LY96: variants seen among roughly 807,000 people sequenced by gnomAD.
LY96 encodes myeloid differentiation protein-2.
A neutral mutation model predicts 18.9 loss-of-function variants in LY96; 18 were observed. The ratio of observed to expected loss-of-function variants is 0.95; its 90% CI spans 0.66 to 1.41. The LOEUF (loss-of-function observed/expected upper bound fraction) is 1.41, where lower values mean the gene tolerates loss of function less well. LY96 is among the 40% of genes most tolerant of loss of function. The pLI is 0.00. For missense variants in LY96, 175 were observed against 182.4 expected, an observed-to-expected ratio of 0.96 and a Z score of 0.23; for synonymous variants, 66 against 62.6, an observed-to-expected ratio of 1.06 and a Z score of -0.26.
At chr8:74,085,207 T>G in the LY96 span, among the ~76,000 whole-genome samples, 1 of 152,246 alleles carries the variant, frequency 6.6e-6, no homozygotes, top group East Asian at 1.9e-4. Flanking sequence ...ATTCCCATTT[T>G]ACAGATGTGG....
intron 3 of LY96, among the ~76,000 whole-genome samples, chr8:74,023,464 C>T (rs7838017): frequency 0.24 from 36,939 of 152,098 alleles, 5,233 homozygotes; most frequent in African/African-American, 0.39. Flanking sequence ...AAGAAAGGTA[C>T]TTGCTTGGAC....
At chr8:74,010,610 C>T (rs1816510274) in intron 3 of LY96, among the ~76,000 whole-genome samples, 1 of 152,016 alleles carries the variant, frequency 6.6e-6, no homozygotes, top group Non-Finnish European at 1.5e-5. Context: ...GCCTCATTTT[C>T]CTCAGCTATA....
the LY96 span, among the ~76,000 whole-genome samples, chr8:74,072,839 G>A: frequency 6.6e-6 from 1 of 152,226 alleles, no homozygotes; most frequent in African/African-American, 2.4e-5. Flanking sequence ...GAAAGGCCGG[G>A]AGCCTGCAGG....
intron 1 of LY96, among the ~76,000 whole-genome samples, chr8:73,995,696 A>G (rs1816112276): frequency 1.3e-5 from 2 of 151,924 alleles, no homozygotes; most frequent in African/African-American, 4.8e-5. Flanking sequence ...CTTTCCTATG[A>G]TCCTGAGTCA....
At chr8:74,001,060 G>C (rs190052762) in intron 1 of LY96, among the ~76,000 whole-genome samples, 16 of 152,230 alleles carry the variant, frequency 1.1e-4, no homozygotes, top group Non-Finnish European at 1.8e-4. Flanking sequence ...AATTTCCAAT[G>C]CATGAACTTC....
chr8:74,091,951 C>T, the LY96 span, among the ~76,000 whole-genome samples: 1 of 152,150 alleles, frequency 6.6e-6, no homozygotes, highest in African/African-American at 2.4e-5. Context: ...ATGCTGGGTG[C>T]TGGGGAAACA....
At chr8:74,073,055 C>T in the LY96 span, among the ~76,000 whole-genome samples, 6 of 152,216 alleles carry the variant, frequency 3.9e-5, no homozygotes, top group South Asian at 4.2e-4. Flanking sequence ...AAAAGACAGA[C>T]GGAAATTAGA....
At chr8:74,039,276 T>C in the LY96 span, among the ~76,000 whole-genome samples, 1 of 152,332 alleles carries the variant, frequency 6.6e-6, no homozygotes, top group Admixed American at 6.5e-5. Flanking sequence ...TCTGGTTAGA[T>C]GGGTAGTTTG....
chr8:74,092,710 C>T, the LY96 span, among the ~76,000 whole-genome samples: 1 of 152,196 alleles, frequency 6.6e-6, no homozygotes, highest in Non-Finnish European at 1.5e-5. Context: ...ATGACTGGCT[C>T]ATGAAAGTTC....
chr8:73,993,867 C>CCA, intron 1 of LY96, among the ~76,000 whole-genome samples: 1 of 152,246 alleles, frequency 6.6e-6, no homozygotes, highest in African/African-American at 2.4e-5. Context: ...ATATGAGCCA[C>CCA]TGCACCTGGC....
intron 2 of LY96, among the ~76,000 whole-genome samples, chr8:74,006,783 T>C (rs770741918): frequency 1.3e-5 from 2 of 152,220 alleles, no homozygotes; most frequent in African/African-American, 2.4e-5. Flanking sequence ...ATTTACATAA[T>C]GAATAATCTC....
At chr8:74,004,211 C>G (rs1358203630) in intron 1 of LY96, among the ~76,000 whole-genome samples, 1 of 152,218 alleles carries the variant, frequency 6.6e-6, no homozygotes, top group Non-Finnish European at 1.5e-5. Flanking sequence ...TCACTCTGTG[C>G]TGAGCAGAGG....
chr8:74,083,132 A>G, the LY96 span, among the ~76,000 whole-genome samples: 7 of 152,304 alleles, frequency 4.6e-5, no homozygotes, highest in African/African-American at 1.7e-4. Flanking sequence ...ATGTAAATAT[A>G]TATCTATAAA....
chr8:74,038,037 GTA>G, the LY96 span, among the ~76,000 whole-genome samples: 2 of 152,032 alleles, frequency 1.3e-5, no homozygotes, highest in Non-Finnish European at 2.9e-5. Flanking sequence ...TACATAGTAG[GTA>G]TATATATTTA....
In LY96 at chr8:73,993,252, T is replaced by G. The variant is rs115970006; in HGVS notation, c.112+1698T>G. Reference sequence around the variant, plus strand: ...TCTTAACAATAACTCAATTTGTCTTTTTAAAACATTTCACATTTTATCTTA... The same window carrying G: ...TCTTAACAATAACTCAATTTGTCTTGTTAAAACATTTCACATTTTATCTTA... On this transcript the variant is annotated intron_variant, in intron 1 of 4. Transcript: ENST00000284818. 1.8e-3 allele frequency among the ~76,000 whole-genome samples: 280 copies of G among 152,252 alleles called. 3 individuals carry two copies. Among genetic ancestry groups the G allele is most frequent in the African/African-American group, 6.5e-3 (272 of 41,538 alleles).
intron 4 of LY96, among the ~76,000 whole-genome samples, chr8:74,027,274 G>A (rs1816890659): frequency 6.7e-6 from 1 of 149,004 alleles, no homozygotes; most frequent in South Asian, 2.1e-4. Flanking sequence ...AGATTAAGAT[G>A]TTCAGGGTTT....
At chr8:73,994,138 C>T (rs965320243) in intron 1 of LY96, among the ~76,000 whole-genome samples, 1 of 152,152 alleles carries the variant, frequency 6.6e-6, no homozygotes, top group South Asian at 2.1e-4. Flanking sequence ...ATATGCACCA[C>T]CATGCCTGGC....
At chr8:74,026,278 C>T (rs1274295634) in intron 3 of LY96, among the ~76,000 whole-genome samples, 1 of 152,248 alleles carries the variant, frequency 6.6e-6, no homozygotes. Flanking sequence ...GCACTTTTGA[C>T]TCTGTGCTCC....
chr8:74,023,161 G>C (rs545648210), intron 3 of LY96, among the ~76,000 whole-genome samples: 66 of 152,280 alleles, frequency 4.3e-4, no homozygotes, highest in African/African-American at 1.5e-3. Context: ...CCACTTCCCT[G>C]CTGGCACCAT....
Sources: allele counts gnomAD v4.1 joint callset (sites outside exome capture counted in the v4.1 genomes callset), GRCh38; gene constraint gnomAD v4.1.1; transcripts MANE v1.5; gene names NCBI Gene and HGNC (gene_info 2026-07-23, HGNC 2026-07-21).